Variants in ATP8A2 observed in about 807,000 individuals in gnomAD.
The protein encoded by ATP8A2 is ATPase phospholipid transporting 8A2.
In ATP8A2, 100 loss-of-function variants were observed where a neutral mutation model predicts 165.6. The ratio of observed to expected loss-of-function variants is 0.60; its 90% confidence interval spans 0.51 to 0.71. The LOEUF (loss-of-function observed/expected upper bound fraction) is 0.71, where lower values mean the gene tolerates loss of function less well. Among genes scored for constraint, ATP8A2 ranks in the 30% least tolerant of loss-of-function variants. The probability of loss-of-function intolerance (pLI) is 0.00; values close to 1 mark genes in which losing one functional copy is unlikely to be tolerated. For missense variants in ATP8A2, 1,227 were observed against 1,479.5 expected (o/e 0.83, Z 2.80); for synonymous variants, 543 against 548.8 (o/e 0.99, Z 0.15).
chr13:26,014,539 T>G (rs1220110281), intron 36 of ATP8A2, among the ~76,000 whole-genome samples: 7 of 152,086 alleles, frequency 4.6e-5, no homozygotes, highest in Non-Finnish European at 1.0e-4. Flanking sequence ...TCTTTGCTAC[T>G]TTTCGAGAGG....
chr13:25,581,997 G>A (rs1305565206), intron 23 of ATP8A2, 40 bp downstream of exon 23: 2 of 1,560,832 alleles, frequency 1.3e-6, no homozygotes, highest in Non-Finnish European at 1.7e-6. Flanking sequence ...GCTGGGTTTT[G>A]TATTTGTTTT....
intron 35 of ATP8A2, 34 bp downstream of exon 35, chr13:25,968,713 A>G (rs748062722): frequency 6.5e-7 from 1 of 1,535,764 alleles, no homozygotes; most frequent in South Asian, 1.1e-5. Flanking sequence ...CACAGAACAC[A>G]GGTGCTCCCG....
chr13:25,450,786 C>T (rs1246586506), intron 1 of ATP8A2, among the ~76,000 whole-genome samples: 1 of 152,070 alleles, frequency 6.6e-6, no homozygotes, highest in Non-Finnish European at 1.5e-5. Flanking sequence ...CCACCTCGGC[C>T]TCCCAAAGTG....
chr13:25,703,319 C>G (rs985076169), intron 25 of ATP8A2, among the ~76,000 whole-genome samples: 1 of 152,146 alleles, frequency 6.6e-6, no homozygotes, highest in Admixed American at 6.5e-5. Context: ...ACCTTGTGAT[C>G]TGCCCACCTC....
intron 28 of ATP8A2, among the ~76,000 whole-genome samples, chr13:25,832,310 C>G (rs1253876707): frequency 6.6e-6 from 1 of 152,190 alleles, no homozygotes; most frequent in East Asian, 1.9e-4. Flanking sequence ...AAATGGATTT[C>G]AGCTAAATTT....
intron 33 of ATP8A2, among the ~76,000 whole-genome samples, chr13:25,890,243 A>G (rs1953318022): frequency 6.6e-6 from 1 of 152,234 alleles, no homozygotes; most frequent in Admixed American, 6.5e-5. Context: ...GCTGAAAACT[A>G]GCAGCTTCCA....
chr13:25,517,004 C>T (rs1449632012), intron 2 of ATP8A2: 4 of 151,640 alleles, frequency 2.6e-5, no homozygotes, highest in Non-Finnish European at 4.4e-5. Context: ...TGGCCTCGAA[C>T]TCCTGACCTC....
intron 35 of ATP8A2, among the ~76,000 whole-genome samples, chr13:25,970,559 T>A (rs9553689): frequency 0.25 from 38,664 of 152,264 alleles, 5,542 homozygotes; most frequent in East Asian, 0.55. Flanking sequence ...CTGGCTTTGC[T>A]ACCTACCGGT....
At chr13:25,761,608 T>A (rs1440191371) in intron 25 of ATP8A2, among the ~76,000 whole-genome samples, 1 of 150,952 alleles carries the variant, frequency 6.6e-6, no homozygotes, top group Non-Finnish European at 1.5e-5. Flanking sequence ...AGAGATCCTG[T>A]CTCAAAAAAA....
chr13:25,930,715 A>G (rs908416960), intron 33 of ATP8A2, among the ~76,000 whole-genome samples: 1 of 152,170 alleles, frequency 6.6e-6, no homozygotes, highest in Non-Finnish European at 1.5e-5. Context: ...AGTGTCTCAC[A>G]CATAACATGG....
At chr13:25,916,535 T>C (rs1268784118) in intron 33 of ATP8A2, among the ~76,000 whole-genome samples, 1 of 152,194 alleles carries the variant, frequency 6.6e-6, no homozygotes, top group Non-Finnish European at 1.5e-5. Context: ...CTGCAGAATC[T>C]TGTCGATTGC....
intron 17 of ATP8A2, 78 bp from the exon 18 acceptor site, chr13:25,571,532 T>A (rs2039468077): frequency 1.8e-6 from 2 of 1,096,992 alleles, no homozygotes; most frequent in Admixed American, 1.8e-5. Flanking sequence ...CGGATTTTGT[T>A]AATTTGAAAA....
In ATP8A2 at chr13:25,856,315, A is replaced by G. The variant is rs1285004251; in HGVS notation, c.2957-3880A>G. On this transcript the variant is annotated intron_variant, in intron 30 of 36. Coordinates refer to ENST00000381655, the MANE Select transcript of ATP8A2 (RefSeq NM_016529.6). Reference sequence around the variant, plus strand: ...AAAAAGTCAAATACTGCATGGCCTCACTTATAAGTGGTAGCTAAGTAACGT... The same window carrying G: ...AAAAAGTCAAATACTGCATGGCCTCGCTTATAAGTGGTAGCTAAGTAACGT... Among the ~76,000 whole-genome samples, 41 of 152,204 alleles carry G rather than the reference A, an allele frequency of 2.7e-4. 1 individual carries two copies. The highest frequency in any genetic ancestry group is 2.6e-3 in the Admixed American group (40 of 15,274).
chr13:25,715,077 T>C (rs572706458), intron 25 of ATP8A2, among the ~76,000 whole-genome samples: 1 of 152,202 alleles, frequency 6.6e-6, no homozygotes, highest in South Asian at 2.1e-4. Flanking sequence ...AAGGGTGAAG[T>C]TGGCTTCATT....
intron 25 of ATP8A2, among the ~76,000 whole-genome samples, chr13:25,710,610 G>A (rs1264988628): frequency 2.6e-5 from 4 of 152,198 alleles, no homozygotes; most frequent in African/African-American, 9.7e-5. Context: ...TGGCCAGGCT[G>A]TTCACTGTGA....
chr13:25,924,516 C>T (rs1954544218), intron 33 of ATP8A2, among the ~76,000 whole-genome samples: 1 of 152,120 alleles, frequency 6.6e-6, no homozygotes, highest in Non-Finnish European at 1.5e-5. Context: ...TTTATAAGGA[C>T]ATGAGTCATA....
intron 25 of ATP8A2, among the ~76,000 whole-genome samples, chr13:25,700,700 G>A (rs572737358): frequency 1.3e-5 from 2 of 152,084 alleles, no homozygotes; most frequent in African/African-American, 4.8e-5. Context: ...GTAGGTTTTC[G>A]ACTCCTCTGG....
intron 27 of ATP8A2, among the ~76,000 whole-genome samples, chr13:25,795,774 A>G (rs182767396): frequency 6.6e-6 from 1 of 152,298 alleles, no homozygotes; most frequent in South Asian, 2.1e-4. Context: ...GATAGAGAAA[A>G]ATTAATTAAG....
At chr13:25,688,530 G>A (rs531372428) in intron 24 of ATP8A2, among the ~76,000 whole-genome samples, 4 of 152,310 alleles carry the variant, frequency 2.6e-5, no homozygotes, top group African/African-American at 7.2e-5. Flanking sequence ...ATGTATAATA[G>A]AGTGCGCCAC....
Sources: gnomAD v4.1 joint callset for allele counts (sites outside exome capture counted in the v4.1 genomes callset) on GRCh38, gnomAD v4.1.1 for gene constraint, MANE v1.5 for transcripts, NCBI Gene and HGNC (gene_info 2026-07-23, HGNC 2026-07-21) for gene names.